ARID3B: variants seen among roughly 807,000 people sequenced by gnomAD.
ARID3B encodes AT-rich interaction domain 3B.
In ARID3B, 10 loss-of-function variants were observed where a neutral mutation model predicts 51.9. The ratio of observed to expected loss-of-function variants is 0.19; its 90% CI spans 0.12 to 0.33. The LOEUF is 0.33. Among genes scored for constraint, ARID3B ranks in the 10% least tolerant of loss-of-function variants. ARID3B has a pLI of 1.00. For missense variants in ARID3B, 483 were observed against 716.3 expected (o/e 0.67, Z 3.72); for synonymous variants, 205 against 279.5 (o/e 0.73, Z 2.66).
At chr15:74,543,040 A>G (rs1210995563) in intron 1 of ARID3B, among the ~76,000 whole-genome samples, 1 of 152,230 alleles carries the variant, frequency 6.6e-6, no homozygotes, top group Non-Finnish European at 1.5e-5. Flanking sequence ...GCTGTTTATA[A>G]AAAAGAAGCA....
At chr15:74,543,603 A>C (rs2061602139) in intron 1 of ARID3B, among the ~76,000 whole-genome samples, 1 of 152,136 alleles carries the variant, frequency 6.6e-6, no homozygotes, top group Non-Finnish European at 1.5e-5. Flanking sequence ...GGCTGGATGT[A>C]CTTCTTTTAA....
chr15:74,595,782 G>A lies in ARID3B; in HGVS notation c.*8G>A, dbSNP rs776417647. The A allele has an allele frequency of 1.9e-6, 3 of 1,601,130 alleles. No homozygotes were observed. The highest frequency in any genetic ancestry group is 3.4e-5 in the Admixed American group (2 of 58,204). ...ACCAGCTGGTCCCTCTGATGGGCAG[G>A]ACCCAGCTTCCCACTTGCCACTCTC... On this transcript the variant is annotated 3_prime_UTR_variant, in exon 9 of 9. Coordinates refer to ENST00000346246, the MANE Select transcript of ARID3B (RefSeq NM_006465.4).
intron 4 of ARID3B, among the ~76,000 whole-genome samples, chr15:74,576,957 A>C (rs1320155359): frequency 6.6e-6 from 1 of 152,152 alleles, no homozygotes; most frequent in Non-Finnish European, 1.5e-5. Context: ...CTGGCATGAG[A>C]CTCTGAAGAG....
chr15:74,553,916 C>T (rs1232513855), intron 2 of ARID3B, among the ~76,000 whole-genome samples: 1 of 151,906 alleles, frequency 6.6e-6, no homozygotes, highest in African/African-American at 2.4e-5. Flanking sequence ...CTCCGCCTCC[C>T]GGGTTCAAGA....
At position 74,568,576 on chromosome 15, in the gene ARID3B, A is replaced by G. The variant is rs998574572; in HGVS notation, c.553-4286A>G. On this transcript the variant is annotated intron_variant, in intron 2 of 8. Coordinates refer to ENST00000346246, the MANE Select transcript of ARID3B (RefSeq NM_006465.4). ...GCTCCTGGTACAATCCTTAGTATGC[A>G]GAAGGCACACAAACACTAGCTTCCT... 4.6e-5 allele frequency among the ~76,000 whole-genome samples: 7 copies of G among 152,228 alleles called. No homozygotes were observed. The South Asian group carries it at 1.4e-3, about 31-fold the overall frequency.
chr15:74,564,734 T>TG (rs1280251957), intron 2 of ARID3B, among the ~76,000 whole-genome samples: 2 of 151,802 alleles, frequency 1.3e-5, no homozygotes, highest in Non-Finnish European at 2.9e-5. Context: ...CCAAGTAGCT[T>TG]GGACTACAGG....
At chr15:74,542,693 A>G (rs143359959) in intron 1 of ARID3B, among the ~76,000 whole-genome samples, 1 of 152,370 alleles carries the variant, frequency 6.6e-6, no homozygotes, top group East Asian at 1.9e-4. Context: ...TGTGCAGTGC[A>G]GCTTCTTTCA....
Position 74,589,834 on chromosome 15 carries a change from C to T in ARID3B, c.712C>T (p.Arg238Ter), listed in dbSNP as rs148447597. ...GACAACCACAGGGACCCCCATCAAC[C>T]GAATCCCCATCATGGCCAAACAGAT... ...FMQKRGTPIN[R>*]IPIMAKQILD... The change falls in exon 5 of 9, where the codon CGA becomes TGA. Residue 238 changes from arginine to a stop codon, truncating the protein, a stop_gained. Transcript: ENST00000346246. LOFTEE classifies it high-confidence loss of function. The T allele has an allele frequency of 2.5e-6, 4 of 1,610,224 alleles. No homozygotes were observed. The highest frequency in any genetic ancestry group is 1.3e-5 in the African/African-American group (1 of 74,792).
intron 4 of ARID3B, among the ~76,000 whole-genome samples, chr15:74,587,341 T>C (rs1225010286): frequency 6.6e-6 from 1 of 152,162 alleles, no homozygotes; most frequent in Non-Finnish European, 1.5e-5. Flanking sequence ...GGACGAATCA[T>C]GAAGCCTTCT....
Position 74,552,077 on chromosome 15 carries a change from T to C in ARID3B, c.552+7589T>C, listed in dbSNP as rs1271366956. Among the ~76,000 whole-genome samples the C allele has an allele frequency of 8.5e-5, 12 of 141,978 alleles. No homozygotes were observed. In the South Asian group the frequency reaches 1.4e-3, roughly 16 times the overall value. 93.1% of individuals were successfully genotyped at this position (141,978 alleles called of 152,430 possible). On this transcript the variant is annotated intron_variant, in intron 2 of 8. Coordinates refer to ENST00000346246, the MANE Select transcript of ARID3B (RefSeq NM_006465.4). ...TTTCCTTTTTTTTTTTTTTTTTTTT[T>C]CTGAGACGGAGTCTCGCTCTGCCGC...
In ARID3B at chr15:74,591,253, G is replaced by A. The variant is rs1230928740; in HGVS notation, c.984G>A (p.Arg328=). 1 of 1,613,882 alleles carries A rather than the reference G, an allele frequency of 6.2e-7. No individual in the cohort carries two copies. The highest frequency in any genetic ancestry group is 1.3e-5 in the African/African-American group (1 of 74,928). The change falls in exon 6 of 9, where the codon CGG becomes CGA. Residue 328 remains arginine, a synonymous_variant. Coordinates refer to ENST00000346246, the MANE Select transcript of ARID3B (RefSeq NM_006465.4). The surrounding 1 kb of genome is among the most constrained non-coding windows in gnomAD (Gnocchi z 5.8). ...ATGGCAACCGCAGGGAGGGCCGGCG[G>A]CCCAGCTACAGCTCCTCCCTCTTTG... ...AIDGNRREGR[R]PSYSSSLFGY...
chr15:74,580,346 T>C (rs1330552451), intron 4 of ARID3B, among the ~76,000 whole-genome samples: 1 of 152,212 alleles, frequency 6.6e-6, no homozygotes, highest in African/African-American at 2.4e-5. Flanking sequence ...GAGGGACTAA[T>C]TTCTAAGTCT....
At position 74,591,342 on chromosome 15, in the gene ARID3B, C is replaced by T; in HGVS notation, c.1073C>T (p.Pro358Leu). ...GGGGCCCCTGCCCTTCTCTCCCCAC[C>T]CAAGATCCGCTTTCCCATCCTTGGG... ...AAGAPALLSP[P>L]KIRFPILGLG... Residue 358 changes from proline to leucine, a missense_variant, in exon 6 of 9, where the codon CCC (proline) becomes CTC (leucine). Coordinates refer to ENST00000346246, the MANE Select transcript of ARID3B (RefSeq NM_006465.4). The surrounding 1 kb of genome is among the most constrained non-coding windows in gnomAD (Gnocchi z 5.8). 8 of 1,614,032 alleles carry T rather than the reference C, an allele frequency of 5.0e-6. No individual in the cohort carries two copies. Among genetic ancestry groups the T allele is most frequent in the Non-Finnish European group, 6.8e-6 (8 of 1,179,918 alleles).
At chr15:74,551,753 C>T (rs2061638264) in intron 2 of ARID3B, among the ~76,000 whole-genome samples, 1 of 152,164 alleles carries the variant, frequency 6.6e-6, no homozygotes, top group South Asian at 2.1e-4. Flanking sequence ...TTATTGCCAG[C>T]TTTTTTTCTA....
At chr15:74,556,072 T>G (rs568150598) in intron 2 of ARID3B, among the ~76,000 whole-genome samples, 36 of 152,190 alleles carry the variant, frequency 2.4e-4, no homozygotes, top group African/African-American at 8.2e-4. Context: ...GATTACAGGC[T>G]TGAGCCACCG....
intron 2 of ARID3B, among the ~76,000 whole-genome samples, chr15:74,572,634 T>C (rs2061723057): frequency 6.6e-6 from 1 of 152,080 alleles, no homozygotes; most frequent in East Asian, 1.9e-4. Flanking sequence ...GAGATGATTC[T>C]TCCACCCGAT....
At chr15:74,561,566 C>T (rs951416696) in intron 2 of ARID3B, among the ~76,000 whole-genome samples, 43 of 152,218 alleles carry the variant, frequency 2.8e-4, no homozygotes, top group Non-Finnish European at 2.2e-4. Context: ...TAAAGCTGCC[C>T]TGCCTGCAAT....
chr15:74,596,162 T>C lies in ARID3B; in HGVS notation c.*388T>C, dbSNP rs1221453569. 1.5e-5 allele frequency: 4 copies of C among 258,684 alleles called. No individual in the cohort carries two copies. Among genetic ancestry groups the C allele is most frequent in the Non-Finnish European group, 3.0e-5 (4 of 135,222 alleles). The allele number at this position is 258,684 out of a possible 1,614,324, so 16.0% of individuals were successfully genotyped here. The stretch of plus-strand genomic sequence containing the variant: ...TTTAATTTATTTCCCTGACCCTGCC[T>C]TCTGCCATGACCCCAGGGCCACTAG... On this transcript the variant is annotated 3_prime_UTR_variant, in exon 9 of 9. Transcript: ENST00000346246.
rs71137395 is a variant in ARID3B at position 74,570,462 on chromosome 15, CAAAAAAAAAAAAAAAAA to C, written c.553-2381_553-2365del. On this transcript the variant is annotated intron_variant, in intron 2 of 8. Coordinates refer to ENST00000346246, the MANE Select transcript of ARID3B (RefSeq NM_006465.4). Reference sequence around the variant, plus strand: ...AGTGCTTGGAAGTTACTATAATTAGCAAAAAAAAAAAAAAAAAAAAAAAAAAAAAAAAAAAGTGTTTT... The same window carrying C: ...AGTGCTTGGAAGTTACTATAATTAGCAAAAAAAAAAAAAAAAAAGTGTTTT... Among the ~76,000 whole-genome samples the C allele has an allele frequency of 2.0e-3, 131 of 64,618 alleles. 1 individual carries two copies. The highest frequency in any genetic ancestry group is 3.4e-3 in the Non-Finnish European group (105 of 30,488). The allele number at this position is 64,618 out of a possible 152,430, so 42.4% of individuals were successfully genotyped here. A position where few individuals can be genotyped will look rare whatever the true frequency, so the allele number is the denominator to read the frequency against.
Sources: gnomAD v4.1 joint callset for allele counts (sites outside exome capture counted in the v4.1 genomes callset) on GRCh38, gnomAD v4.1.1 for gene constraint, Gnocchi (gnomAD v3.1) non-coding constraint, MANE v1.5 for transcripts, NCBI Gene and HGNC (gene_info 2026-07-23, HGNC 2026-07-21) for gene names.